IQSEC3: variants seen among roughly 807,000 people sequenced by gnomAD.
The protein encoded by IQSEC3 is IQ motif and SEC7 domain-containing protein 3.
IQSEC3 carries 50 observed loss-of-function variants against 105.4 expected under a neutral mutation model. The observed-to-expected ratio is 0.47, with a 90% CI of 0.38 to 0.60. The LOEUF is 0.60. IQSEC3 is among the 20% of genes least tolerant of loss of function. The pLI is 0.00. For synonymous variants in IQSEC3, 708 were observed against 746.0 expected (o/e 0.95, Z 0.83); for missense variants, 1,415 against 1,630.0 (o/e 0.87, Z 2.27).
At chr12:120,772 G>A (rs1198378252) in intron 2 of IQSEC3, among the ~76,000 whole-genome samples, 4 of 152,166 alleles carry the variant, frequency 2.6e-5, no homozygotes, top group Admixed American at 2.0e-4. Context: ...TCTCATCCAT[G>A]GAATGACTGT....
chr12:126,001 G>A (rs1483671327), intron 3 of IQSEC3, 89 bp downstream of exon 3: 38 of 1,311,692 alleles, frequency 2.9e-5, no homozygotes, highest in Non-Finnish European at 3.8e-5. Flanking sequence ...TCCCCGCTGG[G>A]TCCCCTCCGC....
chr12:125,800 C>T lies in IQSEC3; in HGVS notation c.791C>T (p.Pro264Leu), dbSNP rs1865373455. ...GGGGCTGCCTCCCCAAGGGCTGGCC[C>T]CCAGCACAAGGCCTCCCCCGGCCGG... ...GAGAASPRAG[P>L]QHKASPGRQQ... Residue 264 changes from proline (P) to leucine (L), a missense_variant, in exon 3 of 14, where the codon CCC (proline) becomes CTC (leucine). Pro to Leu is a moderately conservative substitution (Grantham distance 98). Around this residue, in one of 6 missense-constraint regions of IQSEC3, gnomAD observed 720 missense variants for 633.0 expected, o/e 1.14. Coordinates refer to ENST00000538872, the MANE Select transcript of IQSEC3 (RefSeq NM_001170738.2). 6.6e-7 allele frequency: 1 copy of T among 1,524,810 alleles called. No individual in the cohort carries two copies. Among genetic ancestry groups the T allele is most frequent in the Non-Finnish European group, 8.8e-7 (1 of 1,142,302 alleles). 94.5% of individuals were successfully genotyped at this position (1,524,810 alleles called of 1,614,324 possible).
At chr12:76,579 T>C (rs1278947067) in intron 1 of IQSEC3, among the ~76,000 whole-genome samples, 1 of 152,254 alleles carries the variant, frequency 6.6e-6, no homozygotes, top group African/African-American at 2.4e-5. Context: ...TCATCTCCAT[T>C]GGCTAGCCAG....
chr12:74,470 C>T (rs1480276338), intron 1 of IQSEC3, among the ~76,000 whole-genome samples: 5 of 152,346 alleles, frequency 3.3e-5, no homozygotes, highest in African/African-American at 1.2e-4. Flanking sequence ...TGTGTGTGCC[C>T]GGGTGGGGGT....
At position 138,791 on chromosome 12, in the gene IQSEC3, C is replaced by G. The variant is rs782024364; in HGVS notation, c.1428C>G (p.Ala476=). ...CGGAGACCCCCGGCCTGCCCCCGGC[C>G]CACAGCGGGACCCTCATGATGGCTT... The part of the protein sequence containing the change: ...DAAETPGLPP[A]HSGTLMMAFR... Residue 476 remains alanine (A), a synonymous_variant, in exon 4 of 14, where the codon GCC becomes GCG. Transcript: ENST00000538872. This position sits in a 1 kb window ranked among gnomAD's most constrained non-coding sequence, Gnocchi z 7.1. 1.9e-6 allele frequency: 3 copies of G among 1,604,356 alleles called. No homozygotes were observed. The highest frequency in any genetic ancestry group is 2.2e-5 in the South Asian group (2 of 90,264).
intron 5 of IQSEC3, among the ~76,000 whole-genome samples, chr12:149,722 CG>C (rs1866429733): frequency 6.6e-6 from 1 of 152,128 alleles, no homozygotes; most frequent in Admixed American, 6.5e-5. Flanking sequence ...CCGGGGACAA[CG>C]GAGGTCAGGG....
At chr12:173,399 C>G (rs1230633590) in intron 13 of IQSEC3, among the ~76,000 whole-genome samples, 3 of 152,206 alleles carry the variant, frequency 2.0e-5, no homozygotes, top group African/African-American at 7.2e-5. Context: ...AAGTTGCCCC[C>G]TGGGAGTGCA....
intron 2 of IQSEC3, 25 bp from the exon 3 acceptor site, chr12:125,608 G>T: frequency 6.8e-7 from 1 of 1,471,540 alleles, no homozygotes; most frequent in Non-Finnish European, 8.9e-7. Flanking sequence ...TCCCCCAACC[G>T]AGCACCGTTG....
intron 5 of IQSEC3, among the ~76,000 whole-genome samples, chr12:151,117 CGT>C (rs1866495304): frequency 7.4e-6 from 1 of 134,768 alleles, no homozygotes; most frequent in Admixed American, 7.8e-5. Flanking sequence ...TCTCCTCCAG[CGT>C]GTGTCTGCAC....
chr12:111,459 G>A (rs1182431496), intron 2 of IQSEC3, among the ~76,000 whole-genome samples: 4 of 152,068 alleles, frequency 2.6e-5, no homozygotes, highest in Admixed American at 2.0e-4. Context: ...TCTTTCCTCT[G>A]TTCTCTAGGC....
intron 1 of IQSEC3, among the ~76,000 whole-genome samples, chr12:89,988 A>T (rs574937773): frequency 6.6e-6 from 1 of 152,358 alleles, no homozygotes; most frequent in South Asian, 2.1e-4. Flanking sequence ...TTTAGAAGAA[A>T]CTGCAAGACT....
At chr12:122,476 C>A (rs1865252819) in intron 2 of IQSEC3, among the ~76,000 whole-genome samples, 1 of 152,162 alleles carries the variant, frequency 6.6e-6, no homozygotes, top group South Asian at 2.1e-4. Context: ...AGGCCCACAA[C>A]AAGGCTATTT....
At chr12:145,094 A>T (rs1555090590) in intron 5 of IQSEC3, among the ~76,000 whole-genome samples, 1 of 152,194 alleles carries the variant, frequency 6.6e-6, no homozygotes, top group African/African-American at 2.4e-5. Context: ...CAGCCTCCCA[A>T]AATGCTGGAA....
chr12:152,944 G>C lies in IQSEC3; in HGVS notation c.2154-4081G>C, dbSNP rs1866557277. Among the ~76,000 whole-genome samples the C allele has an allele frequency of 6.6e-6, 1 of 152,148 alleles. No homozygotes were observed. The highest frequency in any genetic ancestry group is 2.1e-4 in the South Asian group (1 of 4,818). On this transcript the variant is annotated intron_variant, in intron 5 of 13. Transcript: ENST00000538872. The surrounding 1 kb of genome is among the most constrained non-coding windows in gnomAD (Gnocchi z 4.8). ...AGATGACTCCAGGCCACCCTGGGTG[G>C]AGGCTGCAGCATGGATTTGGTAAAC...
rs572813664 is a variant in IQSEC3, at chr12:100,182, C to T, written c.623+968C>T. Among the ~76,000 whole-genome samples, 3 of 152,296 alleles carry T rather than the reference C, an allele frequency of 2.0e-5. No homozygotes were observed. In the East Asian group the frequency reaches 5.8e-4, roughly 29 times the overall value. ...AGGGCTTGGTCTGTCTCAAAAGTGG[C>T]ATTCACCTATCATCCCGTCGAGTCT... On this transcript the variant is annotated intron_variant, in intron 2 of 13. Coordinates refer to ENST00000538872, the MANE Select transcript of IQSEC3 (RefSeq NM_001170738.2).
Position 138,172 on chromosome 12 carries a change from C to T in IQSEC3, c.904-95C>T. On this transcript the variant is annotated intron_variant, in intron 3 of 13. Coordinates refer to ENST00000538872, the MANE Select transcript of IQSEC3 (RefSeq NM_001170738.2). This position sits in a 1 kb window ranked among gnomAD's most constrained non-coding sequence, Gnocchi z 7.1. ...CCCGCCCCCGTCCATTCCTGGGCCC[C>T]ACCCGAGTGTGGCCGGGTGACTCCA... The T allele has an allele frequency of 1.7e-6, 2 of 1,185,690 alleles. No individual in the cohort carries two copies. Among genetic ancestry groups the T allele is most frequent in the Non-Finnish European group, 2.4e-6 (2 of 837,266 alleles). The allele number at this position is 1,185,690 out of a possible 1,614,324, so 73.4% of individuals were successfully genotyped here. A position where few individuals can be genotyped will look rare whatever the true frequency, so the allele number is the denominator to read the frequency against.
intron 13 of IQSEC3, 104 bp downstream of exon 13, chr12:171,265 C>T (rs782338959): frequency 5.0e-6 from 8 of 1,613,802 alleles, no homozygotes; most frequent in African/African-American, 1.3e-5. Context: ...CAATGCCTCC[C>T]CAGCCCGACT....
intron 1 of IQSEC3, among the ~76,000 whole-genome samples, chr12:98,857 A>AG (rs1324791794): frequency 6.6e-6 from 1 of 152,164 alleles, no homozygotes; most frequent in Non-Finnish European, 1.5e-5. Flanking sequence ...TGCTGCGGGG[A>AG]GGGCGTGCAG....
At chr12:158,919 A>G (rs188382167) in intron 7 of IQSEC3, among the ~76,000 whole-genome samples, 4 of 152,302 alleles carry the variant, frequency 2.6e-5, no homozygotes, top group Admixed American at 6.5e-5. Context: ...TCAGCCTCCC[A>G]AAGTGCTGGG....
Sources: gnomAD v4.1 joint callset for allele counts (sites outside exome capture counted in the v4.1 genomes callset) on GRCh38, gnomAD v4.1.1 for gene constraint, gnomAD v4.1.1 regional missense constraint, Gnocchi (gnomAD v3.1) non-coding constraint, MANE v1.5 for transcripts, NCBI Gene and HGNC (gene_info 2026-07-23, HGNC 2026-07-21) for gene names.